Variants in ARPC1A observed in about 807,000 individuals in gnomAD.
ARPC1A encodes the protein actin-related protein 2/3 complex subunit 1A.
ARPC1A carries 8 observed loss-of-function variants against 46.9 expected under a neutral mutation model. That is an observed-to-expected ratio of 0.17 (90% CI 0.10 to 0.31). The LOEUF (loss-of-function observed/expected upper bound fraction) is 0.31, where lower values mean the gene tolerates loss of function less well. ARPC1A is among the 10% of genes least tolerant of loss of function. The pLI is 1.00. For synonymous variants in ARPC1A, 152 were observed against 169.0 expected, an observed-to-expected ratio of 0.90 and a Z score of 0.78; for missense variants, 286 against 483.6, an observed-to-expected ratio of 0.59 and a Z score of 3.83.
chr7:99,364,116 G>A (rs769966087), intron 9 of ARPC1A, among the ~76,000 whole-genome samples: 4 of 150,326 alleles, frequency 2.7e-5, no homozygotes, highest in Admixed American at 1.3e-4. Context: ...TACAACACCC[G>A]GCTATGTTTT....
chr7:99,338,378 A>ATTTT (rs754747240), intron 3 of ARPC1A, 93 bp downstream of exon 3: 114 of 242,900 alleles, frequency 4.7e-4, no homozygotes, highest in South Asian at 1.5e-3. Flanking sequence ...GGTGGCCATA[A>ATTTT]TTTTTTTTTT....
intron 4 of ARPC1A, 37 bp from the exon 5 acceptor site, chr7:99,348,815 T>A (rs754936123): frequency 6.4e-7 from 1 of 1,561,240 alleles, no homozygotes; most frequent in Non-Finnish European, 8.8e-7. Context: ...GGATGCTGGT[T>A]GAGTGGATAA....
At chr7:99,335,948 A>G (rs1162306782) in intron 2 of ARPC1A, among the ~76,000 whole-genome samples, 1 of 151,206 alleles carries the variant, frequency 6.6e-6, no homozygotes, top group African/African-American at 2.4e-5. Flanking sequence ...AGTGAGACTC[A>G]GTCTCAAAAA....
At chr7:99,357,646 G>A (rs1793662834) in intron 6 of ARPC1A, among the ~76,000 whole-genome samples, 1 of 152,100 alleles carries the variant, frequency 6.6e-6, no homozygotes, top group South Asian at 2.1e-4. Context: ...GCTTTTGAAT[G>A]CATCGTTTCT....
At chr7:99,349,789 G>A (rs1368760721) in intron 5 of ARPC1A, among the ~76,000 whole-genome samples, 4 of 151,822 alleles carry the variant, frequency 2.6e-5, no homozygotes, top group East Asian at 1.9e-4. Flanking sequence ...GCAGTGAGCC[G>A]AGATCACACC....
chr7:99,364,581 T>C (rs544630100), intron 9 of ARPC1A, among the ~76,000 whole-genome samples: 12 of 152,054 alleles, frequency 7.9e-5, no homozygotes, highest in Non-Finnish European at 1.8e-4. Context: ...CAGAGATCTC[T>C]TTAAAACCTA....
intron 6 of ARPC1A, among the ~76,000 whole-genome samples, chr7:99,356,935 C>T (rs116671616): frequency 0.06 from 9,180 of 152,108 alleles, 320 homozygotes; most frequent in African/African-American, 0.096. Context: ...ATTGTCCCTT[C>T]CATTATAAAA....
intron 5 of ARPC1A, 82 bp from the exon 6 acceptor site, chr7:99,353,827 C>G (rs1793587097): frequency 1.5e-6 from 2 of 1,353,198 alleles, no homozygotes; most frequent in East Asian, 4.7e-5. Flanking sequence ...TTCTGAGATT[C>G]CTTGTGGCAG....
At chr7:99,349,338 C>G (rs1050143004) in intron 5 of ARPC1A, among the ~76,000 whole-genome samples, 6 of 151,414 alleles carry the variant, frequency 4.0e-5, no homozygotes, top group African/African-American at 1.5e-4. Context: ...GCTGGGATTA[C>G]AGGCATGAGC....
intron 3 of ARPC1A, among the ~76,000 whole-genome samples, chr7:99,340,624 T>G (rs1443025051): frequency 6.6e-6 from 1 of 152,188 alleles, no homozygotes; most frequent in Non-Finnish European, 1.5e-5. Flanking sequence ...TTTGTAAAGA[T>G]AGATTTCACC....
chr7:99,364,261 T>G (rs1217796799), intron 9 of ARPC1A, among the ~76,000 whole-genome samples: 3 of 139,574 alleles, frequency 2.1e-5, no homozygotes, highest in Non-Finnish European at 4.5e-5. Context: ...GCCTTGGAGA[T>G]CTCTCTCTTT....
intron 1 of ARPC1A, among the ~76,000 whole-genome samples, chr7:99,330,124 C>G (rs531118039): frequency 6.6e-6 from 1 of 151,520 alleles, no homozygotes; most frequent in African/African-American, 2.4e-5. Flanking sequence ...TTTAAATTGC[C>G]AATTCCTAAG....
At chr7:99,346,459 G>T (rs1024611095) in intron 4 of ARPC1A, among the ~76,000 whole-genome samples, 1 of 152,062 alleles carries the variant, frequency 6.6e-6, no homozygotes, top group Non-Finnish European at 1.5e-5. Context: ...CTCAGTAATT[G>T]TTTACATTTT....
chr7:99,337,850 G>A (rs1793282249), intron 2 of ARPC1A, among the ~76,000 whole-genome samples: 1 of 152,100 alleles, frequency 6.6e-6, no homozygotes, highest in Non-Finnish European at 1.5e-5. Context: ...GAATGAAACT[G>A]TCAAACATTT....
At chr7:99,352,648 C>T (rs1366696593) in intron 5 of ARPC1A, among the ~76,000 whole-genome samples, 4 of 149,898 alleles carry the variant, frequency 2.7e-5, no homozygotes, top group African/African-American at 9.9e-5. Flanking sequence ...GCCAGACCCC[C>T]GTCTCTTAAA....
intron 1 of ARPC1A, among the ~76,000 whole-genome samples, chr7:99,332,957 C>T (rs563821493): frequency 3.4e-4 from 52 of 151,436 alleles, no homozygotes; most frequent in African/African-American, 1.3e-3. Flanking sequence ...AGTGCAGTGG[C>T]ATGATCTTGA....
At chr7:99,348,300 A>G (rs1793494310) in intron 4 of ARPC1A, among the ~76,000 whole-genome samples, 2 of 152,230 alleles carry the variant, frequency 1.3e-5, no homozygotes, top group African/African-American at 2.4e-5. Context: ...TGAGTTAATC[A>G]ATATCTATGC....
At chr7:99,362,872 G>T (rs1011314874) in intron 8 of ARPC1A, among the ~76,000 whole-genome samples, 1 of 152,000 alleles carries the variant, frequency 6.6e-6, no homozygotes, top group African/African-American at 2.4e-5. Flanking sequence ...AGCTTGGTCG[G>T]AATCTAGTGG....
At chr7:99,350,827 T>G (rs1793533836) in intron 5 of ARPC1A, among the ~76,000 whole-genome samples, 1 of 151,446 alleles carries the variant, frequency 6.6e-6, no homozygotes, top group South Asian at 2.1e-4. Flanking sequence ...GTTTATTTTT[T>G]GTAGAGATGG....
Sources: gnomAD v4.1 joint callset for allele counts (sites outside exome capture counted in the v4.1 genomes callset) on GRCh38, gnomAD v4.1.1 for gene constraint, MANE v1.5 for transcripts, NCBI Gene and HGNC (gene_info 2026-07-23, HGNC 2026-07-21) for gene names.